Variants in MGMT observed in about 807,000 individuals in gnomAD.
MGMT encodes methylated-DNA--protein-cysteine methyltransferase.
A neutral mutation model predicts 15.9 loss-of-function variants in MGMT; 14 were observed. That is an observed-to-expected ratio of 0.88 (90% confidence interval 0.58 to 1.37). The LOEUF (loss-of-function observed/expected upper bound fraction) is 1.37. MGMT is among the 40% of genes most tolerant of loss of function. The pLI is 0.00. For missense variants in MGMT, 282 were observed against 268.1 expected (o/e 1.05, Z -0.36); for synonymous variants, 130 against 118.2 (o/e 1.10, Z -0.65).
At chr10:129,706,209 C>T (rs777456799) in intron 2 of MGMT, among the ~76,000 whole-genome samples, 16 of 152,224 alleles carry the variant, frequency 1.1e-4, no homozygotes, top group Non-Finnish European at 1.9e-4. Context: ...TCTGCGTCTA[C>T]GTTCACACTG....
chr10:129,559,044 G>T (rs1291511818), intron 2 of MGMT, among the ~76,000 whole-genome samples: 2 of 152,168 alleles, frequency 1.3e-5, no homozygotes, highest in African/African-American at 4.8e-5. Flanking sequence ...TGATGTCCCA[G>T]TTCTCCTGGA....
At chr10:129,678,465 A>G (rs1187593192) in intron 2 of MGMT, among the ~76,000 whole-genome samples, 1 of 152,128 alleles carries the variant, frequency 6.6e-6, no homozygotes, top group Non-Finnish European at 1.5e-5. Context: ...AAGCTTGTGT[A>G]GCTGCTTCTG....
chr10:129,728,561 A>T (rs1463181220), intron 3 of MGMT, among the ~76,000 whole-genome samples: 1 of 152,022 alleles, frequency 6.6e-6, no homozygotes, highest in East Asian at 1.9e-4. Flanking sequence ...CAGCCCTCTC[A>T]TGGCCCGCTG....
At chr10:129,505,528 G>C (rs954610903) in intron 1 of MGMT, among the ~76,000 whole-genome samples, 2 of 152,140 alleles carry the variant, frequency 1.3e-5, no homozygotes, top group African/African-American at 4.8e-5. Context: ...ATAGATACAC[G>C]GTGGTTCTTT....
chr10:129,655,118 G>A (rs887543856), intron 2 of MGMT, among the ~76,000 whole-genome samples: 1 of 152,198 alleles, frequency 6.6e-6, no homozygotes, highest in African/African-American at 2.4e-5. Flanking sequence ...GCACCCACCC[G>A]GAGGTATGCA....
At chr10:129,702,666 C>T (rs1848112763) in intron 2 of MGMT, among the ~76,000 whole-genome samples, 1 of 152,296 alleles carries the variant, frequency 6.6e-6, no homozygotes, top group East Asian at 1.9e-4. Context: ...CTGGCTCCTG[C>T]TGGCATCATG....
At chr10:129,681,315 C>T (rs1847850029) in intron 2 of MGMT, among the ~76,000 whole-genome samples, 1 of 152,138 alleles carries the variant, frequency 6.6e-6, no homozygotes, top group African/African-American at 2.4e-5. Context: ...ATGTGAATCA[C>T]GTTTTCCTTA....
chr10:129,724,731 G>T (rs781593568), intron 3 of MGMT, among the ~76,000 whole-genome samples: 2 of 152,136 alleles, frequency 1.3e-5, no homozygotes, highest in African/African-American at 2.4e-5. Flanking sequence ...AGGCTAAAAT[G>T]TCAATTATAT....
Position 129,769,583 on chromosome 10 carries a change from G to C in MGMT, c.*2586G>C, listed in dbSNP as rs1407164582. 2.0e-5 allele frequency: 3 copies of C among 151,800 alleles called. No individual in the cohort carries two copies. 9.4% of individuals were successfully genotyped at this position (151,800 alleles called of 1,614,324 possible). On this transcript the variant is annotated 3_prime_UTR_variant, in exon 5 of 5. Coordinates refer to ENST00000651593, the MANE Select transcript of MGMT (RefSeq NM_002412.5). ...TCAGACCGGCGGACCACGCTCCCCT[G>C]TTTCCAGAGAGATGAGAGAGTCAGA...
At chr10:129,516,364 G>C (rs1022672066) in intron 1 of MGMT, among the ~76,000 whole-genome samples, 2 of 152,196 alleles carry the variant, frequency 1.3e-5, no homozygotes, top group South Asian at 4.1e-4. Flanking sequence ...GTGCATGGCT[G>C]AGCAGAGCAA....
intron 2 of MGMT, among the ~76,000 whole-genome samples, chr10:129,639,926 T>G (rs932237803): frequency 5.0e-4 from 63 of 125,940 alleles, no homozygotes; most frequent in Non-Finnish European, 8.7e-4. Flanking sequence ...ATTAAACTGA[T>G]AAATCGGTGG....
chr10:129,646,754 A>ATATATATTTTTTTT, intron 2 of MGMT, among the ~76,000 whole-genome samples: 57 of 86,640 alleles, frequency 6.6e-4, no homozygotes, highest in African/African-American at 2.2e-3. Flanking sequence ...ATATATATAT[A>ATATATATTTTTTTT]TTTTCAGGGA....
intron 1 of MGMT, among the ~76,000 whole-genome samples, chr10:129,471,810 AG>A (rs1363792524): frequency 6.6e-6 from 1 of 152,184 alleles, no homozygotes; most frequent in Non-Finnish European, 1.5e-5. Context: ...TCTCCAGCCC[AG>A]GCAAGATCCG....
At chr10:129,753,336 G>A (rs933976203) in intron 3 of MGMT, among the ~76,000 whole-genome samples, 2 of 152,062 alleles carry the variant, frequency 1.3e-5, no homozygotes, top group Admixed American at 1.3e-4. Context: ...AGTTTTTTGG[G>A]CATCTTAAAT....
chr10:129,745,892 A>G (rs2133175760), intron 3 of MGMT, among the ~76,000 whole-genome samples: 1 of 152,082 alleles, frequency 6.6e-6, no homozygotes, highest in South Asian at 2.1e-4. Flanking sequence ...TGGATTTCTT[A>G]TTTCCAAATA....
intron 2 of MGMT, among the ~76,000 whole-genome samples, chr10:129,572,133 T>C (rs1394374739): frequency 1.3e-5 from 2 of 152,126 alleles, no homozygotes; most frequent in African/African-American, 2.4e-5. Context: ...AAGAAAAAAA[T>C]GGTGCAGATA....
At chr10:129,691,277 G>C (rs1008792086) in intron 2 of MGMT, among the ~76,000 whole-genome samples, 5 of 152,220 alleles carry the variant, frequency 3.3e-5, no homozygotes, top group Non-Finnish European at 7.3e-5. Context: ...TCCTCAGAAA[G>C]TGACACCTAA....
intron 2 of MGMT, among the ~76,000 whole-genome samples, chr10:129,685,577 C>T (rs989596153): frequency 6.6e-6 from 1 of 152,218 alleles, no homozygotes; most frequent in African/African-American, 2.4e-5. Context: ...CTTATTCACC[C>T]ACTTGTGTTC....
intron 1 of MGMT, among the ~76,000 whole-genome samples, chr10:129,480,297 G>A (rs1845343075): frequency 6.6e-6 from 1 of 152,118 alleles, no homozygotes; most frequent in Non-Finnish European, 1.5e-5. Flanking sequence ...ATTTCCTGAG[G>A]GTTTGTAGCA....
Sources: gnomAD v4.1 joint callset for allele counts (sites outside exome capture counted in the v4.1 genomes callset) on GRCh38, gnomAD v4.1.1 for gene constraint, MANE v1.5 for transcripts, NCBI Gene and HGNC (gene_info 2026-07-23, HGNC 2026-07-21) for gene names.